Variants in C8orf34 observed in about 807,000 individuals in gnomAD.
C8orf34 encodes chromosome 8 open reading frame 34.
In C8orf34, 65 loss-of-function variants were observed where a neutral mutation model predicts 68.3. That is an observed-to-expected ratio of 0.95 (90% CI 0.78 to 1.17). The LOEUF (loss-of-function observed/expected upper bound fraction) is 1.17. C8orf34 is among the 50% of genes most tolerant of loss of function. The pLI, the probability that C8orf34 is intolerant of heterozygous loss-of-function variation, is 0.00. For missense variants in C8orf34, 664 were observed against 655.4 expected, an observed-to-expected ratio of 1.01 and a Z score of -0.14; for synonymous variants, 244 against 241.2, an observed-to-expected ratio of 1.01 and a Z score of -0.11.
intron 9 of C8orf34, among the ~76,000 whole-genome samples, chr8:68,711,665 G>T (rs530280862): frequency 6.6e-6 from 1 of 152,066 alleles, no homozygotes; most frequent in African/African-American, 2.4e-5. Flanking sequence ...AATGAACAAA[G>T]TCTCCAAGAA....
chr8:68,719,563 A>T (rs1821609336), intron 9 of C8orf34, among the ~76,000 whole-genome samples: 1 of 152,002 alleles, frequency 6.6e-6, no homozygotes, highest in African/African-American at 2.4e-5. Flanking sequence ...AGTGCTTGCC[A>T]TATAGTATTT....
At chr8:68,409,710 GCA>G in intron 1 of C8orf34, among the ~76,000 whole-genome samples, 1 of 152,240 alleles carries the variant, frequency 6.6e-6, no homozygotes, top group Non-Finnish European at 1.5e-5. Context: ...CTACAGCAGT[GCA>G]CAGTCATGTC....
At chr8:68,366,316 T>C (rs1807249902) in intron 1 of C8orf34, among the ~76,000 whole-genome samples, 1 of 135,368 alleles carries the variant, frequency 7.4e-6, no homozygotes, top group Admixed American at 7.3e-5. Context: ...AAAATGGCCA[T>C]ACTGCCCAAG....
chr8:68,479,558 A>C (rs1016984336), intron 4 of C8orf34, among the ~76,000 whole-genome samples: 1 of 152,154 alleles, frequency 6.6e-6, no homozygotes, highest in Non-Finnish European at 1.5e-5. Flanking sequence ...AGTTGGAGTA[A>C]ATACCAGAGA....
intron 10 of C8orf34, among the ~76,000 whole-genome samples, chr8:68,749,911 G>A (rs1822652223): frequency 6.6e-6 from 1 of 152,136 alleles, no homozygotes; most frequent in South Asian, 2.1e-4. Flanking sequence ...TACTGGGCTA[G>A]TATTAATAGT....
chr8:68,483,452 C>T (rs1474359727), intron 4 of C8orf34, among the ~76,000 whole-genome samples: 3 of 152,036 alleles, frequency 2.0e-5, no homozygotes, highest in Non-Finnish European at 4.4e-5. Context: ...ATCTTCCAGA[C>T]CCAGGGCTTA....
intron 1 of C8orf34, among the ~76,000 whole-genome samples, chr8:68,353,033 T>A (rs187207067): frequency 1.3e-5 from 2 of 150,100 alleles, no homozygotes; most frequent in Admixed American, 6.6e-5. Context: ...CAACAATTCC[T>A]TATTAAATCA....
chr8:68,617,779 C>A (rs1043464742), intron 7 of C8orf34, among the ~76,000 whole-genome samples: 2 of 152,090 alleles, frequency 1.3e-5, no homozygotes, highest in Non-Finnish European at 2.9e-5. Context: ...TTGTTCTTCT[C>A]GAGGAGTATC....
At chr8:68,362,835 G>A (rs1432224591) in intron 1 of C8orf34, among the ~76,000 whole-genome samples, 9 of 146,208 alleles carry the variant, frequency 6.2e-5, no homozygotes, top group East Asian at 2.0e-4. Flanking sequence ...AAATCAGAGC[G>A]CCTCTCCTCC....
At chr8:68,607,614 A>AT (rs1563558375) in intron 7 of C8orf34, among the ~76,000 whole-genome samples, 1 of 152,034 alleles carries the variant, frequency 6.6e-6, no homozygotes, top group Non-Finnish European at 1.5e-5. Context: ...TTGGGGAAAA[A>AT]TTTTTCAGCC....
chr8:68,419,835 G>T (rs1809867561), intron 1 of C8orf34, among the ~76,000 whole-genome samples: 1 of 111,270 alleles, frequency 9.0e-6, no homozygotes, highest in Non-Finnish European at 1.8e-5. Flanking sequence ...TTGTGGGGTG[G>T]GGGAAGGGGG....
Position 68,776,383 on chromosome 8 carries a change from T to C in C8orf34, c.1405-16T>C. 1.9e-6 allele frequency: 3 copies of C among 1,606,334 alleles called. No individual in the cohort carries two copies. Among genetic ancestry groups the C allele is most frequent in the Non-Finnish European group, 2.6e-6 (3 of 1,173,220 alleles). On this transcript the variant is annotated splice_polypyrimidine_tract_variant and intron_variant, in intron 10 of 13. Transcript: ENST00000518698. ...TTCTCCTGACCTTTTCAACCTCTCT[T>C]CCTCTTTACTTCTAGGGAGAAGCCT...
chr8:68,540,924 T>A (rs527811722), intron 7 of C8orf34, among the ~76,000 whole-genome samples: 1 of 152,268 alleles, frequency 6.6e-6, no homozygotes, highest in South Asian at 2.1e-4. Context: ...TGCAGGAAAT[T>A]AATTATATGG....
intron 1 of C8orf34, among the ~76,000 whole-genome samples, chr8:68,406,728 C>T (rs1234158132): frequency 6.6e-6 from 1 of 152,128 alleles, no homozygotes; most frequent in Non-Finnish European, 1.5e-5. Context: ...CTCCTGACCT[C>T]AAGTGACCCA....
chr8:68,787,630 G>C, intron 12 of C8orf34, 94 bp downstream of exon 12: 1 of 695,210 alleles, frequency 1.4e-6, no homozygotes, highest in Non-Finnish European at 2.2e-6. Context: ...AACAACTTCT[G>C]TAAAAAAAAA....
intron 1 of C8orf34, among the ~76,000 whole-genome samples, chr8:68,390,170 C>T (rs961358393): frequency 6.6e-6 from 1 of 152,102 alleles, no homozygotes; most frequent in African/African-American, 2.4e-5. Flanking sequence ...ATGCAGTGGG[C>T]ATACACTTAA....
Position 68,386,267 on chromosome 8 carries a change from T to C in C8orf34, c.328-53232T>C, listed in dbSNP as rs76250670. On this transcript the variant is annotated intron_variant, in intron 1 of 13. Coordinates refer to ENST00000518698, the MANE Select transcript of C8orf34 (RefSeq NM_052958.4). ...CAGAGCCTGAACTTGGCATGAATAA[T>C]ATGAAGCTTTATAGGGATAAATCTG... Among the ~76,000 whole-genome samples the C allele has an allele frequency of 7.2e-3, 1,104 of 152,310 alleles. 23 individuals carry two copies. Among genetic ancestry groups the C allele is most frequent in the African/African-American group, 0.025 (1,059 of 41,558 alleles).
At chr8:68,704,896 T>C (rs1430585821) in intron 8 of C8orf34, among the ~76,000 whole-genome samples, 1 of 152,200 alleles carries the variant, frequency 6.6e-6, no homozygotes, top group Non-Finnish European at 1.5e-5. Flanking sequence ...GAGAAAAATA[T>C]GGCTGGATTT....
intron 12 of C8orf34, among the ~76,000 whole-genome samples, chr8:68,793,470 A>T (rs1387029524): frequency 2.0e-5 from 3 of 152,230 alleles, no homozygotes; most frequent in Non-Finnish European, 4.4e-5. Context: ...AACCTTTAAG[A>T]ATTACTGGCA....
Sources: allele counts gnomAD v4.1 joint callset (sites outside exome capture counted in the v4.1 genomes callset), GRCh38; gene constraint gnomAD v4.1.1; transcripts MANE v1.5; gene names NCBI Gene and HGNC (gene_info 2026-07-23, HGNC 2026-07-21).